The following LHFPL6 variants were observed in gnomAD, a reference collection of about 807,000 sequenced individuals.
The protein encoded by LHFPL6 is LHFPL tetraspan subfamily member 6 protein.
Under a neutral mutation model 20.6 loss-of-function variants are expected in LHFPL6, and 9 were observed. The observed-to-expected ratio is 0.44, with a 90% CI of 0.26 to 0.76. The LOEUF (loss-of-function observed/expected upper bound fraction) is 0.76. LHFPL6 is among the 30% of genes least tolerant of loss of function. The pLI is 0.20. For synonymous variants in LHFPL6, 105 were observed against 98.7 expected, an observed-to-expected ratio of 1.06 and a Z score of -0.38; for missense variants, 218 against 253.5, an observed-to-expected ratio of 0.86 and a Z score of 0.95.
intron 2 of LHFPL6, among the ~76,000 whole-genome samples, chr13:39,527,334 G>A (rs147540711): frequency 6.6e-6 from 1 of 152,074 alleles, no homozygotes; most frequent in South Asian, 2.1e-4. Flanking sequence ...AAGGTGATGT[G>A]CTTCAACTAA....
At chr13:39,485,401 CTCT>C (rs916398436) in intron 2 of LHFPL6, among the ~76,000 whole-genome samples, 1 of 152,116 alleles carries the variant, frequency 6.6e-6, no homozygotes, top group African/African-American at 2.4e-5. Flanking sequence ...CAAGAGAAAT[CTCT>C]TCTTCTCCTA....
rs559247878 is a variant in LHFPL6 at position 39,602,340 on chromosome 13, C to T, written c.-175+543G>A. 6.9e-3 allele frequency among the ~76,000 whole-genome samples: 1,052 copies of T among 152,034 alleles called. 8 individuals carry two copies. The highest frequency in any genetic ancestry group is 0.024 in the African/African-American group (992 of 41,292). The stretch of plus-strand genomic sequence containing the variant: ...TCCATAGCAAATTTCCCCCTTTCTT[C>T]ACCTCGCCCCTACCCGTTTTTTTCT... On this transcript the variant is annotated intron_variant, in intron 1 of 3. Coordinates refer to ENST00000379589, the MANE Select transcript of LHFPL6 (RefSeq NM_005780.3).
intron 2 of LHFPL6, among the ~76,000 whole-genome samples, chr13:39,398,208 T>C (rs1870892263): frequency 6.6e-6 from 1 of 152,238 alleles, no homozygotes; most frequent in Non-Finnish European, 1.5e-5. Flanking sequence ...CTTTGCCTGT[T>C]TTCCTACTGA....
chr13:39,486,699 TG>T (rs111845337), intron 2 of LHFPL6, among the ~76,000 whole-genome samples: 2,705 of 152,262 alleles, frequency 0.018, 81 homozygotes, highest in African/African-American at 0.061. Context: ...CCCACCAGCT[TG>T]AAAAGCAGGG....
At chr13:39,562,017 C>T (rs1467743853) in intron 2 of LHFPL6, among the ~76,000 whole-genome samples, 1 of 152,100 alleles carries the variant, frequency 6.6e-6, no homozygotes, top group Non-Finnish European at 1.5e-5. Flanking sequence ...GTTCTGTATT[C>T]TTTTCATTTC....
intron 2 of LHFPL6, 96 bp downstream of exon 2, chr13:39,600,736 G>T: frequency 1.6e-6 from 2 of 1,234,526 alleles, no homozygotes; most frequent in South Asian, 2.6e-5. Flanking sequence ...TGCATTCCAG[G>T]TGTCATTTAT....
chr13:39,565,066 A>G (rs1431914417), intron 2 of LHFPL6, among the ~76,000 whole-genome samples: 1 of 152,232 alleles, frequency 6.6e-6, no homozygotes, highest in Non-Finnish European at 1.5e-5. Context: ...TGGAAGACCG[A>G]TCTCCAAAGA....
rs749553906 is a variant in LHFPL6 at position 39,439,063 on chromosome 13, T to C, written c.386-60537A>G. On this transcript the variant is annotated intron_variant, in intron 2 of 3. Transcript: ENST00000379589. ...CAGAATGTTAGATCCATCAACAGCT[T>C]GCACCATGTGCCTGGAAAAGCCACA... Among the ~76,000 whole-genome samples, 16 of 152,256 alleles carry C rather than the reference T, an allele frequency of 1.1e-4. No individual in the cohort carries two copies. The East Asian group carries it at 1.2e-3, about 11-fold the overall frequency.
intron 2 of LHFPL6, among the ~76,000 whole-genome samples, chr13:39,572,505 A>G (rs1165474857): frequency 1.3e-5 from 2 of 152,194 alleles, no homozygotes; most frequent in African/African-American, 2.4e-5. Context: ...CTATTACTCA[A>G]AAACCTCTCT....
At chr13:39,375,265 C>T (rs550303807) in intron 3 of LHFPL6, among the ~76,000 whole-genome samples, 97 of 152,206 alleles carry the variant, frequency 6.4e-4, no homozygotes, top group Non-Finnish European at 1.1e-3. Context: ...TGCTGCAGCC[C>T]ACCAGCTACA....
intron 2 of LHFPL6, among the ~76,000 whole-genome samples, chr13:39,447,074 G>A (rs1195099522): frequency 6.6e-6 from 1 of 152,184 alleles, no homozygotes; most frequent in Non-Finnish European, 1.5e-5. Flanking sequence ...AGTTGGCCTT[G>A]TATAGGAACA....
intron 2 of LHFPL6, among the ~76,000 whole-genome samples, chr13:39,587,789 C>A (rs557146043): frequency 6.6e-6 from 1 of 151,938 alleles, no homozygotes. Flanking sequence ...GTGATATTGA[C>A]AGAAGATGGC....
At chr13:39,520,250 A>C (rs971905438) in intron 2 of LHFPL6, among the ~76,000 whole-genome samples, 1 of 152,168 alleles carries the variant, frequency 6.6e-6, no homozygotes, top group African/African-American at 2.4e-5. Flanking sequence ...ACTGGGAAAA[A>C]CAGAACGGGA....
intron 2 of LHFPL6, among the ~76,000 whole-genome samples, chr13:39,498,663 T>C (rs886371230): frequency 6.6e-6 from 1 of 152,100 alleles, no homozygotes; most frequent in Non-Finnish European, 1.5e-5. Context: ...AGCCCCCAAA[T>C]ATCTAATTTA....
rs113043723 is a variant in LHFPL6, at chr13:39,373,875, C to T, written c.484+4553G>A. Among the ~76,000 whole-genome samples the T allele has an allele frequency of 6.1e-3, 934 of 152,280 alleles. 12 individuals carry two copies. Among genetic ancestry groups the T allele is most frequent in the African/African-American group, 0.021 (891 of 41,564 alleles). On this transcript the variant is annotated intron_variant, in intron 3 of 3. Transcript: ENST00000379589. ...CTATTATTAAAAAGTCAGAAAACAA[C>T]AGATGCTGGCGAGGCTATGGAGAAA...
intron 2 of LHFPL6, among the ~76,000 whole-genome samples, chr13:39,568,143 A>G (rs967401): frequency 0.38 from 57,027 of 152,064 alleles, 11,339 homozygotes; most frequent in African/African-American, 0.51. Context: ...TGTTAGGTAG[A>G]GAAAACTTCC....
Position 39,504,899 on chromosome 13 carries a change from G to C in LHFPL6, c.385+95933C>G, listed in dbSNP as rs1432558021. Among the ~76,000 whole-genome samples, 3 of 152,094 alleles carry C rather than the reference G, an allele frequency of 2.0e-5. No homozygotes were observed. In the East Asian group the frequency reaches 5.8e-4, roughly 29 times the overall value. ...GAAATTGTATAATGTCATTTTCAAT[G>C]TACATGACCTTCCTGAAATAAATAA... On this transcript the variant is annotated intron_variant, in intron 2 of 3. Coordinates refer to ENST00000379589, the MANE Select transcript of LHFPL6 (RefSeq NM_005780.3).
chr13:39,527,032 C>A (rs539414023), intron 2 of LHFPL6, among the ~76,000 whole-genome samples: 1 of 152,310 alleles, frequency 6.6e-6, no homozygotes, highest in East Asian at 1.9e-4. Flanking sequence ...AGGTTTTGCA[C>A]ATCCTCTACT....
chr13:39,480,467 G>A (rs1324223045), intron 2 of LHFPL6, among the ~76,000 whole-genome samples: 1 of 152,116 alleles, frequency 6.6e-6, no homozygotes, highest in Non-Finnish European at 1.5e-5. Context: ...GTTCTCTTCT[G>A]ATATTGTAAG....
Sources: allele counts gnomAD v4.1 joint callset (sites outside exome capture counted in the v4.1 genomes callset), GRCh38; gene constraint gnomAD v4.1.1; transcripts MANE v1.5; gene names NCBI Gene and HGNC (gene_info 2026-07-23, HGNC 2026-07-21).